Variants in SYN2 observed in about 807,000 individuals in gnomAD.
The protein encoded by SYN2 is synapsin-2.
In SYN2, 19 loss-of-function variants were observed where a neutral mutation model predicts 50.9. The ratio of observed to expected loss-of-function variants is 0.37; its 90% CI spans 0.26 to 0.55. The LOEUF (loss-of-function observed/expected upper bound fraction) is 0.55. Ranked by LOEUF, SYN2 falls within the 20% of genes least tolerant of loss-of-function variation. The pLI, the probability that SYN2 is intolerant of heterozygous loss-of-function variation, is 0.81. For synonymous variants in SYN2, 255 were observed against 224.9 expected (o/e 1.13, Z -1.20); for missense variants, 587 against 576.4 (o/e 1.02, Z -0.19).
At chr3:12,074,471 G>C (rs1348360914) in intron 1 of SYN2, among the ~76,000 whole-genome samples, 2 of 151,926 alleles carry the variant, frequency 1.3e-5, no homozygotes, top group Non-Finnish European at 2.9e-5. Context: ...TATTCTGTTT[G>C]TATTATGTTA....
At chr3:12,071,347 A>C (rs2125168582) in intron 1 of SYN2, 2 of 570,458 alleles carry the variant, frequency 3.5e-6, no homozygotes, top group Middle Eastern at 4.6e-4. Context: ...TCCATCGTCC[A>C]CCGCAAATGC....
rs1697533878 is a variant in SYN2, at chr3:12,158,632, T to C, written c.775-2914T>C. On this transcript the variant is annotated intron_variant, in intron 5 of 12. Coordinates refer to ENST00000621198, the MANE Select transcript of SYN2 (RefSeq NM_133625.6). ...CCTCCCTTTTCCTCTGGACTCCTGGTGTACTGCTGGCCAGATACTAATCCC... is the reference window on the plus strand; with the variant it reads ...CCTCCCTTTTCCTCTGGACTCCTGGCGTACTGCTGGCCAGATACTAATCCC... The C allele has an allele frequency of 3.4e-5, 54 of 1,587,506 alleles. No individual in the cohort carries two copies. The East Asian group carries it at 1.2e-3, about 35-fold the overall frequency.
chr3:12,115,053 C>T (rs542778620), intron 1 of SYN2, among the ~76,000 whole-genome samples: 2 of 152,268 alleles, frequency 1.3e-5, no homozygotes, highest in South Asian at 2.1e-4. Context: ...CCTGAAATGA[C>T]TTCACCTTTG....
chr3:12,149,730 A>G (rs1026511959), intron 4 of SYN2, among the ~76,000 whole-genome samples: 3 of 152,158 alleles, frequency 2.0e-5, no homozygotes, highest in Non-Finnish European at 2.9e-5. Flanking sequence ...AGAGTCACCA[A>G]TTGTTTGTCA....
chr3:12,190,232 T>C (rs982791112), intron 12 of SYN2, among the ~76,000 whole-genome samples: 31 of 152,186 alleles, frequency 2.0e-4, no homozygotes, highest in African/African-American at 7.2e-4. Flanking sequence ...TCCTCCTCTT[T>C]CCCTTCTTTA....
chr3:12,045,559 A>G (rs1240107079), intron 1 of SYN2, among the ~76,000 whole-genome samples: 1 of 151,958 alleles, frequency 6.6e-6, no homozygotes, highest in Non-Finnish European at 1.5e-5. Context: ...TATCACTAAT[A>G]ACAATCATTT....
At chr3:12,058,788 CT>C (rs1209070828) in intron 1 of SYN2, among the ~76,000 whole-genome samples, 1 of 152,198 alleles carries the variant, frequency 6.6e-6, no homozygotes, top group Non-Finnish European at 1.5e-5. Context: ...AGAATGGCTT[CT>C]AAAAGCAGCA....
chr3:12,176,712 A>T (rs1256518473), intron 10 of SYN2, among the ~76,000 whole-genome samples: 6 of 152,224 alleles, frequency 3.9e-5, no homozygotes, highest in Admixed American at 3.3e-4. Context: ...CATTTGGCAA[A>T]TCTATGTTAT....
At chr3:12,127,404 C>T (rs1265332788) in intron 1 of SYN2, among the ~76,000 whole-genome samples, 2 of 152,182 alleles carry the variant, frequency 1.3e-5, no homozygotes, top group Non-Finnish European at 2.9e-5. Context: ...TCTTGGTCAA[C>T]TTTCTGTCTT....
At chr3:12,118,344 G>C (rs1696480334) in intron 1 of SYN2, among the ~76,000 whole-genome samples, 1 of 152,196 alleles carries the variant, frequency 6.6e-6, no homozygotes, top group Admixed American at 6.5e-5. Flanking sequence ...CAGGAGGATT[G>C]CTAGAGCCCA....
At chr3:12,146,223 T>G (rs903724776) in intron 4 of SYN2, among the ~76,000 whole-genome samples, 3 of 152,206 alleles carry the variant, frequency 2.0e-5, no homozygotes, top group African/African-American at 7.2e-5. Flanking sequence ...CCTAGAATGA[T>G]TAAACTTTTG....
At chr3:12,110,031 T>A (rs1696279526) in intron 1 of SYN2, among the ~76,000 whole-genome samples, 1 of 151,902 alleles carries the variant, frequency 6.6e-6, no homozygotes. Context: ...CTACAAAAAA[T>A]TTAAAAGATT....
intron 1 of SYN2, among the ~76,000 whole-genome samples, chr3:12,093,876 A>AGATG (rs1695878134): frequency 1.1e-5 from 1 of 94,086 alleles, no homozygotes; most frequent in African/African-American, 4.6e-5. Flanking sequence ...TTTTTTTTTG[A>AGATG]GATGGAGTCT....
chr3:12,122,170 A>G (rs903302777), intron 1 of SYN2, among the ~76,000 whole-genome samples: 2 of 152,218 alleles, frequency 1.3e-5, no homozygotes, highest in Non-Finnish European at 2.9e-5. Flanking sequence ...TAATCATCAC[A>G]GTAGGTGACG....
At chr3:12,063,006 A>C (rs1695146083) in intron 1 of SYN2, among the ~76,000 whole-genome samples, 1 of 152,026 alleles carries the variant, frequency 6.6e-6, no homozygotes, top group Admixed American at 6.6e-5. Flanking sequence ...ACATGAGTCC[A>C]ATTATATGCC....
intron 1 of SYN2, among the ~76,000 whole-genome samples, chr3:12,042,506 A>G (rs1421934358): frequency 2.0e-5 from 3 of 152,208 alleles, no homozygotes; most frequent in Non-Finnish European, 2.9e-5. Context: ...TGGGAGCTCA[A>G]TGGAAAGGTA....
intron 1 of SYN2, among the ~76,000 whole-genome samples, chr3:12,033,506 T>G (rs1574899096): frequency 1.4e-4 from 1 of 7,282 alleles, no homozygotes; most frequent in Admixed American, 3.5e-3. Flanking sequence ...TGGGACTCTC[T>G]TTTTTCCCAA....
intron 1 of SYN2, among the ~76,000 whole-genome samples, chr3:12,119,149 C>T (rs147240797): frequency 1.3e-5 from 2 of 152,168 alleles, no homozygotes; most frequent in East Asian, 3.9e-4. Flanking sequence ...ATCTGCCTAT[C>T]TTCTTTTTCT....
At chr3:12,081,280 A>C (rs1574929303) in intron 1 of SYN2, among the ~76,000 whole-genome samples, 1 of 152,232 alleles carries the variant, frequency 6.6e-6, no homozygotes, top group East Asian at 1.9e-4. Context: ...AAAAAGAGCA[A>C]CTTAAAAGGA....
Sources: gnomAD v4.1 joint callset for allele counts (sites outside exome capture counted in the v4.1 genomes callset) on GRCh38, gnomAD v4.1.1 for gene constraint, MANE v1.5 for transcripts, NCBI Gene and HGNC (gene_info 2026-07-23, HGNC 2026-07-21) for gene names.